KLHL20: variants seen among roughly 807,000 people sequenced by gnomAD.
The protein encoded by KLHL20 is kelch-like protein 20.
Under a neutral mutation model 69.5 loss-of-function variants are expected in KLHL20, and 29 were observed. The ratio of observed to expected loss-of-function variants is 0.42; its 90% CI spans 0.31 to 0.57. KLHL20 has a LOEUF of 0.57. Ranked by LOEUF, KLHL20 falls within the 20% of genes least tolerant of loss-of-function variation. The probability of loss-of-function intolerance (pLI) is 0.18; values close to 1 mark genes in which losing one functional copy is unlikely to be tolerated. For missense variants in KLHL20, 419 were observed against 776.0 expected, an observed-to-expected ratio of 0.54 and a Z score of 5.47; for synonymous variants, 253 against 265.2, an observed-to-expected ratio of 0.95 and a Z score of 0.45.
intron 3 of KLHL20, among the ~76,000 whole-genome samples, chr1:173,738,986 A>G (rs776238709): frequency 6.6e-6 from 1 of 152,036 alleles, no homozygotes; most frequent in Non-Finnish European, 1.5e-5. Context: ...TGGTTTTGGT[A>G]TTAGGGTGAT....
At chr1:173,736,279 A>G (rs1571871547) in intron 3 of KLHL20, among the ~76,000 whole-genome samples, 1 of 151,828 alleles carries the variant, frequency 6.6e-6, no homozygotes, top group Non-Finnish European at 1.5e-5. Context: ...TTTATGGCTG[A>G]GTAGTATTCT....
chr1:173,762,518 A>G (rs1352004137), intron 7 of KLHL20, among the ~76,000 whole-genome samples: 1 of 152,240 alleles, frequency 6.6e-6, no homozygotes, highest in Non-Finnish European at 1.5e-5. Flanking sequence ...ACATCATATC[A>G]AAAAGATAAT....
At position 173,771,647 on chromosome 1, in the gene KLHL20, A is replaced by G. The variant is rs567986797; in HGVS notation, c.1296-2658A>G. ...GCCAGGCATGGTGGTGCACACCTGTATTCTCAGCGACTCAGAAGGCTAAGA... is the reference window on the plus strand; with the variant it reads ...GCCAGGCATGGTGGTGCACACCTGTGTTCTCAGCGACTCAGAAGGCTAAGA... On this transcript the variant is annotated intron_variant, in intron 8 of 11. Coordinates refer to ENST00000209884, the MANE Select transcript of KLHL20 (RefSeq NM_014458.4). Among the ~76,000 whole-genome samples the G allele has an allele frequency of 2.0e-5, 3 of 152,266 alleles. No individual in the cohort carries two copies. In the South Asian group the frequency reaches 6.2e-4, roughly 32 times the overall value.
At chr1:173,763,410 AAAG>A (rs1647449241) in intron 7 of KLHL20, among the ~76,000 whole-genome samples, 1 of 152,208 alleles carries the variant, frequency 6.6e-6, no homozygotes, top group Non-Finnish European at 1.5e-5. Flanking sequence ...TGGAACCAAA[AAAG>A]AGCCCACATA....
At chr1:173,728,408 A>G (rs1380012968) in intron 2 of KLHL20, among the ~76,000 whole-genome samples, 1 of 152,228 alleles carries the variant, frequency 6.6e-6, no homozygotes, top group African/African-American at 2.4e-5. Flanking sequence ...AGACATCTAC[A>G]TAACTCTCCA....
chr1:173,764,427 A>G (rs1025312399), intron 7 of KLHL20, among the ~76,000 whole-genome samples: 2 of 129,018 alleles, frequency 1.6e-5, no homozygotes, highest in Non-Finnish European at 1.5e-5. Flanking sequence ...TTGTACACAC[A>G]TGTTTCTAGC....
At chr1:173,749,777 T>A (rs566272330) in intron 3 of KLHL20, among the ~76,000 whole-genome samples, 1 of 152,286 alleles carries the variant, frequency 6.6e-6, no homozygotes, top group South Asian at 2.1e-4. Flanking sequence ...TTTAAAAAAA[T>A]GTTTAGGCAC....
chr1:173,734,804 G>A (rs1252146809), intron 3 of KLHL20, among the ~76,000 whole-genome samples: 7 of 152,152 alleles, frequency 4.6e-5, no homozygotes, highest in Admixed American at 4.6e-4. Context: ...GTGCTTGGGA[G>A]CATAGGGTAC....
intron 2 of KLHL20, among the ~76,000 whole-genome samples, chr1:173,720,063 A>T (rs1010944386): frequency 1.6e-4 from 25 of 152,192 alleles, no homozygotes; most frequent in Non-Finnish European, 1.5e-5. Flanking sequence ...TCAAGGCTGC[A>T]GTGAGCTGTG....
intron 10 of KLHL20, among the ~76,000 whole-genome samples, chr1:173,781,058 G>T (rs1648842570): frequency 1.1e-5 from 1 of 89,016 alleles, no homozygotes; most frequent in East Asian, 4.5e-4. Context: ...GGAGGTGGGG[G>T]AGGGGAGGGG....
intron 2 of KLHL20, among the ~76,000 whole-genome samples, chr1:173,726,332 C>T (rs1464086753): frequency 7.1e-6 from 1 of 140,566 alleles, no homozygotes; most frequent in African/African-American, 2.6e-5. Context: ...AGGGCATAGC[C>T]AAAAAAAAAA....
intron 2 of KLHL20, among the ~76,000 whole-genome samples, chr1:173,718,889 G>A (rs921409183): frequency 3.9e-5 from 6 of 152,052 alleles, no homozygotes; most frequent in South Asian, 2.1e-4. Context: ...CGGATCACAA[G>A]GTCAGGAGAT....
At chr1:173,763,476 A>G (rs1647451636) in intron 7 of KLHL20, among the ~76,000 whole-genome samples, 1 of 152,202 alleles carries the variant, frequency 6.6e-6, no homozygotes, top group Admixed American at 6.5e-5. Flanking sequence ...ACACTACCTG[A>G]TTTCAGACTA....
chr1:173,742,901 TA>T (rs1480961703), intron 3 of KLHL20, among the ~76,000 whole-genome samples: 1 of 151,778 alleles, frequency 6.6e-6, no homozygotes, highest in Non-Finnish European at 1.5e-5. Context: ...CCAGACACCA[TA>T]AAAAGATTGG....
intron 2 of KLHL20, among the ~76,000 whole-genome samples, chr1:173,719,112 A>AAAAAAAAAAAAG (rs1266429623): frequency 3.3e-5 from 5 of 151,734 alleles, no homozygotes; most frequent in East Asian, 2.0e-4. Flanking sequence ...CTCAAAAAAA[A>AAAAAAAAAAAAG]AAAGAAAAAT....
At chr1:173,746,771 G>C (rs1673079103) in intron 3 of KLHL20, among the ~76,000 whole-genome samples, 1 of 151,658 alleles carries the variant, frequency 6.6e-6, no homozygotes, top group African/African-American at 2.4e-5. Context: ...CTTCTTGCTT[G>C]TACTTTCTTT....
rs757391312 is a variant in KLHL20 at position 173,757,036 on chromosome 1, A to G, written c.1028A>G (p.Asn343Ser). Residue 343 changes from asparagine (N) to serine (S), a missense_variant, in exon 7 of 12, where the codon AAT becomes AGT. By Grantham distance (46) the Asn-to-Ser change is conservative. Transcript: ENST00000209884. ...GTTGAACGATATGATCCACAGACCA[A>G]TGAATGGAGAATGGTGGCTTCAATG... ...SSVERYDPQT[N>S]EWRMVASMSK... 2 of 1,614,210 alleles carry G rather than the reference A, an allele frequency of 1.2e-6. No individual in the cohort carries two copies. The highest frequency in any genetic ancestry group is 1.7e-6 in the Non-Finnish European group (2 of 1,180,030).
intron 2 of KLHL20, among the ~76,000 whole-genome samples, chr1:173,722,843 C>G (rs1239728564): frequency 6.6e-6 from 1 of 152,058 alleles, no homozygotes; most frequent in Non-Finnish European, 1.5e-5. Context: ...GCATGCGCCA[C>G]CACATCCAGC....
intron 2 of KLHL20, among the ~76,000 whole-genome samples, chr1:173,726,786 A>G (rs1162249196): frequency 6.6e-6 from 1 of 152,188 alleles, no homozygotes; most frequent in East Asian, 1.9e-4. Context: ...AGATAAAACC[A>G]CAAAGATGGG....
Sources: allele counts gnomAD v4.1 joint callset (sites outside exome capture counted in the v4.1 genomes callset), GRCh38; gene constraint gnomAD v4.1.1; transcripts MANE v1.5; gene names NCBI Gene and HGNC (gene_info 2026-07-23, HGNC 2026-07-21).